Variants in CHCHD3 observed in about 807,000 individuals in gnomAD.
CHCHD3 encodes coiled-coil-helix-coiled-coil-helix domain containing 3, also known as MICOS complex subunit MIC19.
In CHCHD3, 20 loss-of-function variants were observed where a neutral mutation model predicts 38.2. The observed-to-expected ratio is 0.52, with a 90% CI of 0.37 to 0.76. The LOEUF (loss-of-function observed/expected upper bound fraction) is 0.76, where lower values mean the gene tolerates loss of function less well. CHCHD3 is among the 30% of genes least tolerant of loss of function. The pLI is 0.00. For missense variants in CHCHD3, 245 were observed against 279.2 expected (o/e 0.88, Z 0.87); for synonymous variants, 82 against 100.0 (o/e 0.82, Z 1.07).
intron 6 of CHCHD3, among the ~76,000 whole-genome samples, chr7:132,816,037 C>T (rs1055895529): frequency 2.6e-5 from 4 of 152,154 alleles, no homozygotes; most frequent in Non-Finnish European, 4.4e-5. Context: ...TAGACTTTTC[C>T]CTAGTGTTCT....
At chr7:132,964,851 T>C (rs1811417761) in intron 4 of CHCHD3, among the ~76,000 whole-genome samples, 1 of 152,224 alleles carries the variant, frequency 6.6e-6, no homozygotes. Context: ...CAGTTTGACA[T>C]GCCAGAACTT....
chr7:133,003,200 G>A (rs1432127339), intron 3 of CHCHD3, among the ~76,000 whole-genome samples: 4 of 151,810 alleles, frequency 2.6e-5, no homozygotes, highest in East Asian at 3.9e-4. Context: ...TGTGAAACAC[G>A]ACTTGCAGAA....
chr7:132,796,667 C>A, intron 6 of CHCHD3, 90 bp from the exon 7 acceptor site: 1 of 1,137,228 alleles, frequency 8.8e-7, no homozygotes, highest in Non-Finnish European at 1.3e-6. Context: ...CACAGTAAGA[C>A]ACAGATGTTG....
intron 6 of CHCHD3, among the ~76,000 whole-genome samples, chr7:132,833,768 C>G (rs974463704): frequency 2.0e-5 from 3 of 152,180 alleles, no homozygotes; most frequent in Non-Finnish European, 4.4e-5. Context: ...TAAAATAATT[C>G]GATTAGCTAT....
At chr7:132,987,247 G>A (rs556994996) in intron 3 of CHCHD3, among the ~76,000 whole-genome samples, 33 of 152,160 alleles carry the variant, frequency 2.2e-4, no homozygotes, top group Admixed American at 4.6e-4. Flanking sequence ...AAGAGAACCC[G>A]GACAGAGAGA....
intron 3 of CHCHD3, among the ~76,000 whole-genome samples, chr7:133,010,396 A>G (rs1391635977): frequency 6.6e-6 from 1 of 152,200 alleles, no homozygotes; most frequent in Non-Finnish European, 1.5e-5. Flanking sequence ...CACAGTACAC[A>G]GTGGACAATC....
rs572888773 is a variant in CHCHD3 at position 132,980,740 on chromosome 7, C to T, written c.252-5454G>A. 1.2e-4 allele frequency among the ~76,000 whole-genome samples: 18 copies of T among 152,274 alleles called. No individual in the cohort carries two copies. In the South Asian group the frequency reaches 3.7e-3, roughly 32 times the overall value. ...AAATCTCCTATAATAAATATTATTACATGTCCTTTTAAATGGGAAAACAAA... is the reference window on the plus strand; with the variant it reads ...AAATCTCCTATAATAAATATTATTATATGTCCTTTTAAATGGGAAAACAAA... On this transcript the variant is annotated intron_variant, in intron 3 of 7. Transcript: ENST00000262570.
chr7:133,019,310 C>G (rs1813117598), intron 3 of CHCHD3, among the ~76,000 whole-genome samples: 1 of 151,988 alleles, frequency 6.6e-6, no homozygotes, highest in African/African-American at 2.4e-5. Context: ...TTTTCAAAGG[C>G]AGAACATATG....
intron 3 of CHCHD3, among the ~76,000 whole-genome samples, chr7:132,977,702 A>C (rs1327878982): frequency 1.3e-5 from 2 of 152,252 alleles, no homozygotes; most frequent in Non-Finnish European, 2.9e-5. Flanking sequence ...CATAAAATGA[A>C]TTCTGTTCAA....
chr7:132,854,674 G>A (rs530534941), intron 5 of CHCHD3, among the ~76,000 whole-genome samples: 1 of 152,256 alleles, frequency 6.6e-6, no homozygotes, highest in East Asian at 1.9e-4. Context: ...CATTTGTTAA[G>A]TGGGTCAATG....
At chr7:132,817,822 G>T (rs912559443) in intron 6 of CHCHD3, among the ~76,000 whole-genome samples, 2 of 151,676 alleles carry the variant, frequency 1.3e-5, no homozygotes, top group Non-Finnish European at 1.5e-5. Flanking sequence ...GACCCAGGAG[G>T]TCAAGGCTGC....
At chr7:133,021,768 C>T (rs1028195653) in intron 3 of CHCHD3, among the ~76,000 whole-genome samples, 5 of 152,102 alleles carry the variant, frequency 3.3e-5, no homozygotes, top group Admixed American at 1.3e-4. Context: ...ATTCACTATA[C>T]TATATTTTTC....
intron 5 of CHCHD3, among the ~76,000 whole-genome samples, chr7:132,885,170 TGAACCTGGTA>T (rs1809172346): frequency 1.3e-5 from 2 of 152,138 alleles, no homozygotes; most frequent in Admixed American, 6.6e-5. Flanking sequence ...GGGAATCACT[TGAACCTGGTA>T]GGTGGAGGTT....
At chr7:133,000,972 A>G (rs1812555065) in intron 3 of CHCHD3, among the ~76,000 whole-genome samples, 1 of 152,198 alleles carries the variant, frequency 6.6e-6, no homozygotes, top group African/African-American at 2.4e-5. Flanking sequence ...CTTCAAAGCA[A>G]TACAGAGGTA....
chr7:132,846,098 G>A lies in CHCHD3; in HGVS notation c.454-7629C>T, dbSNP rs117462149. ...CCATGCTTTACTCTTTTCTATATCC[G>A]TGACCCCAGCAACATGACTTCACAG... On this transcript the variant is annotated intron_variant, in intron 5 of 7. Coordinates refer to ENST00000262570, the MANE Select transcript of CHCHD3 (RefSeq NM_017812.4). 7.2e-5 allele frequency among the ~76,000 whole-genome samples: 11 copies of A among 152,224 alleles called. No individual in the cohort carries two copies. In the East Asian group the frequency reaches 1.2e-3, roughly 16 times the overall value.
At chr7:132,828,235 C>T (rs1807557283) in intron 6 of CHCHD3, among the ~76,000 whole-genome samples, 1 of 152,080 alleles carries the variant, frequency 6.6e-6, no homozygotes, top group African/African-American at 2.4e-5. Context: ...TATACCCCCA[C>T]CAGCAAAGTG....
At chr7:132,919,363 G>A (rs541705331) in intron 4 of CHCHD3, among the ~76,000 whole-genome samples, 4 of 151,796 alleles carry the variant, frequency 2.6e-5, no homozygotes, top group Non-Finnish European at 4.4e-5. Flanking sequence ...CGCCCGCCTC[G>A]GCCTCCCAAA....
At chr7:132,948,401 G>A (rs977886421) in intron 4 of CHCHD3, among the ~76,000 whole-genome samples, 11 of 152,202 alleles carry the variant, frequency 7.2e-5, no homozygotes, top group African/African-American at 2.2e-4. Flanking sequence ...AGTGAGGGAC[G>A]GAGAAGGAGA....
chr7:132,823,344 C>T (rs1807431674), intron 6 of CHCHD3, among the ~76,000 whole-genome samples: 1 of 152,088 alleles, frequency 6.6e-6, no homozygotes, highest in African/African-American at 2.4e-5. Flanking sequence ...TTTTTTCCTA[C>T]ACATACCTCT....
Sources: gnomAD v4.1 joint callset for allele counts (sites outside exome capture counted in the v4.1 genomes callset) on GRCh38, gnomAD v4.1.1 for gene constraint, MANE v1.5 for transcripts, NCBI Gene and HGNC (gene_info 2026-07-23, HGNC 2026-07-21) for gene names.